ACSBG2: variants seen among roughly 807,000 people sequenced by gnomAD.
ACSBG2 encodes long-chain-fatty-acid--CoA ligase ACSBG2.
A neutral mutation model predicts 74.7 loss-of-function variants in ACSBG2; 62 were observed. The observed-to-expected ratio is 0.83, with a 90% CI of 0.68 to 1.03. The LOEUF (loss-of-function observed/expected upper bound fraction) is 1.03, where lower values mean the gene tolerates loss of function less well. Ranked by LOEUF, ACSBG2 falls within the 50% of genes least tolerant of loss-of-function variation. ACSBG2 has a pLI of 0.00. For missense variants in ACSBG2, 730 were observed against 817.6 expected, an observed-to-expected ratio of 0.89 and a Z score of 1.31; for synonymous variants, 309 against 294.1, an observed-to-expected ratio of 1.05 and a Z score of -0.52.
rs1568254736 is a variant in ACSBG2, at chr19:6,184,860, A to AACAAAACAAACAAAC, written c.1323-575_1323-574insCAAAACAAACAAACA. Among the ~76,000 whole-genome samples the AACAAAACAAACAAAC allele has an allele frequency of 1.3e-4, 18 of 142,342 alleles. No homozygotes were observed. In the East Asian group the frequency reaches 2.6e-3, roughly 21 times the overall value. 93.4% of individuals were successfully genotyped at this position (142,342 alleles called of 152,430 possible). A position where few individuals can be genotyped will look rare whatever the true frequency, so the allele number is the denominator to read the frequency against. ...AAAAAAAAAAAAAAAAAAAAAAAAA[A>AACAAAACAAACAAAC]AAAAAAAAAAAACGAAAAACAGCCT... On this transcript the variant is annotated intron_variant, in intron 10 of 14. Transcript: ENST00000588485.
intron 3 of ACSBG2, 92 bp downstream of exon 3, chr19:6,147,767 C>A: frequency 7.2e-7 from 1 of 1,396,514 alleles, no homozygotes; most frequent in South Asian, 1.2e-5. Flanking sequence ...TCACAAGGCA[C>A]CAAAAGATAC....
intron 1 of ACSBG2, among the ~76,000 whole-genome samples, chr19:6,138,765 G>A (rs2088700973): frequency 6.7e-6 from 1 of 150,340 alleles, no homozygotes; most frequent in South Asian, 2.1e-4. Flanking sequence ...AAAAAGGAAG[G>A]AAGGGGAGGG....
intron 2 of ACSBG2, among the ~76,000 whole-genome samples, chr19:6,146,225 T>G (rs936355991): frequency 2.0e-5 from 3 of 151,874 alleles, no homozygotes; most frequent in Non-Finnish European, 4.4e-5. Flanking sequence ...ATCCCGGCAC[T>G]TTGGGAGGCC....
chr19:6,147,686 T>C lies in ACSBG2; in HGVS notation c.297+11T>C, dbSNP rs763503021. Reference sequence around the variant, plus strand: ...AAATCCTTGATCAAGGTAAGATTCATTCATTCATTCTCCTTTGTTCAACCA... The same window carrying C: ...AAATCCTTGATCAAGGTAAGATTCACTCATTCATTCTCCTTTGTTCAACCA... On this transcript the variant is annotated intron_variant, in intron 3 of 14. Coordinates refer to ENST00000588485, the MANE Select transcript of ACSBG2 (RefSeq NM_030924.5). The C allele has an allele frequency of 1.3e-5, 21 of 1,604,824 alleles. No individual in the cohort carries two copies. Among genetic ancestry groups the C allele is most frequent in the Non-Finnish European group, 1.6e-5 (19 of 1,171,630 alleles).
At chr19:6,152,305 A>G (rs2089267391) in intron 4 of ACSBG2, among the ~76,000 whole-genome samples, 1 of 17,810 alleles carries the variant, frequency 5.6e-5, no homozygotes, top group Non-Finnish European at 1.5e-4. Flanking sequence ...TTTTTTTGAG[A>G]CGGAGTCTCG....
At chr19:6,153,390 T>C (rs1008819055) in intron 4 of ACSBG2, among the ~76,000 whole-genome samples, 12 of 152,164 alleles carry the variant, frequency 7.9e-5, no homozygotes, top group African/African-American at 2.9e-4. Context: ...GTAATAATGA[T>C]GGTGACGATA....
intron 13 of ACSBG2, 171 bp from the exon 14 acceptor site, chr19:6,190,413 G>A (rs751147407): frequency 7.7e-5 from 45 of 583,438 alleles, no homozygotes; most frequent in Non-Finnish European, 1.3e-4. Context: ...GGATCACATG[G>A]AAGTTTTATC....
chr19:6,139,900 G>A (rs1170931842), intron 1 of ACSBG2, among the ~76,000 whole-genome samples: 4 of 152,042 alleles, frequency 2.6e-5, no homozygotes, highest in Non-Finnish European at 5.9e-5. Flanking sequence ...CCAACATGGA[G>A]AAACTCTGTC....
intron 8 of ACSBG2, among the ~76,000 whole-genome samples, chr19:6,177,875 A>AGAGT (rs2090129909): frequency 7.0e-6 from 1 of 143,412 alleles, no homozygotes; most frequent in Middle Eastern, 3.2e-3. Context: ...GAAAGTAAAG[A>AGAGT]GTGTGTGTGT....
chr19:6,144,788 G>A (rs1183288892), intron 2 of ACSBG2, among the ~76,000 whole-genome samples: 4 of 151,590 alleles, frequency 2.6e-5, no homozygotes, highest in Non-Finnish European at 2.9e-5. Flanking sequence ...TCTGCCTCCC[G>A]GGTTCAAGTG....
intron 3 of ACSBG2, 150 bp from the exon 4 acceptor site, chr19:6,151,557 C>A: frequency 1.4e-6 from 1 of 719,664 alleles, no homozygotes. Context: ...GCAATTCTCC[C>A]ACCTCAACCT....
chr19:6,157,605 C>CA (rs1367708074), intron 5 of ACSBG2, among the ~76,000 whole-genome samples: 2 of 151,878 alleles, frequency 1.3e-5, no homozygotes, highest in African/African-American at 2.4e-5. Flanking sequence ...TTTGTAGAGA[C>CA]AGAGTCTTGC....
chr19:6,183,299 C>G, intron 10 of ACSBG2, 27 bp downstream of exon 10: 1 of 1,600,418 alleles, frequency 6.2e-7, no homozygotes, highest in African/African-American at 1.3e-5. Flanking sequence ...CAGACCCCTG[C>G]TCCTCCCATA....
intron 7 of ACSBG2, among the ~76,000 whole-genome samples, chr19:6,171,933 T>A (rs77435012): frequency 0.032 from 4,808 of 152,220 alleles, 221 homozygotes; most frequent in African/African-American, 0.11. Flanking sequence ...TTTACTTTTG[T>A]CTGAGTTGTT....
chr19:6,136,147 C>T (rs2088555138), intron 1 of ACSBG2, among the ~76,000 whole-genome samples: 1 of 30,258 alleles, frequency 3.3e-5, no homozygotes, highest in Non-Finnish European at 5.9e-5. Flanking sequence ...GCTCTGTTGC[C>T]CAGGCGCAAT....
chr19:6,187,303 GGTGAAAAT>G lies in ACSBG2; in HGVS notation c.1565_1572del (p.Glu522AlafsTer6). 1 of 1,614,190 alleles carries G rather than the reference GGTGAAAAT, an allele frequency of 6.2e-7. No homozygotes were observed. Among genetic ancestry groups the G allele is most frequent in the South Asian group, 1.1e-5 (1 of 91,084 alleles). On this transcript the variant is annotated frameshift_variant, in exon 12 of 15. Coordinates refer to ENST00000588485, the MANE Select transcript of ACSBG2 (RefSeq NM_030924.5). LOFTEE classifies it high-confidence loss of function. ...TCCAGAAATCCTTATCACTGCTGGT[GGTGAAAAT>G]GTGCCCCCCATTCCTGTTGAGACCT...
intron 11 of ACSBG2, 112 bp downstream of exon 11, chr19:6,185,765 G>A (rs1394573687): frequency 1.0e-5 from 11 of 1,098,950 alleles, no homozygotes; most frequent in Non-Finnish European, 1.5e-5. Flanking sequence ...CTTCCAAGAG[G>A]AGCTGTGCAG....
At chr19:6,182,396 T>C (rs1304445009) in intron 8 of ACSBG2, among the ~76,000 whole-genome samples, 2 of 152,114 alleles carry the variant, frequency 1.3e-5, no homozygotes, top group African/African-American at 2.4e-5. Context: ...TACAAAACAG[T>C]GTTGCAAAGA....
intron 5 of ACSBG2, among the ~76,000 whole-genome samples, chr19:6,160,094 T>C (rs1306505569): frequency 1.3e-5 from 2 of 152,004 alleles, no homozygotes; most frequent in East Asian, 1.9e-4. Flanking sequence ...GAACAGAGTA[T>C]AAAAATCTCG....
Sources: gnomAD v4.1 joint callset for allele counts (sites outside exome capture counted in the v4.1 genomes callset) on GRCh38, gnomAD v4.1.1 for gene constraint, MANE v1.5 for transcripts, NCBI Gene and HGNC (gene_info 2026-07-23, HGNC 2026-07-21) for gene names.